The following LAMP3 variants were observed in gnomAD, a reference collection of about 807,000 sequenced individuals.
LAMP3 encodes lysosome associated membrane protein 3.
Under a neutral mutation model 34.8 loss-of-function variants are expected in LAMP3, and 26 were observed. The ratio of observed to expected loss-of-function variants is 0.75; its 90% CI spans 0.55 to 1.04. The LOEUF is 1.04. LAMP3 is among the 50% of genes least tolerant of loss of function. The pLI is 0.00. For synonymous variants in LAMP3, 180 were observed against 201.9 expected (o/e 0.89, Z 0.92); for missense variants, 495 against 524.0 (o/e 0.94, Z 0.54).
At chr3:183,156,531 C>T (rs1041282485) in intron 1 of LAMP3, among the ~76,000 whole-genome samples, 1 of 152,116 alleles carries the variant, frequency 6.6e-6, no homozygotes, top group Admixed American at 6.6e-5. Flanking sequence ...AAGGAGATCA[C>T]GCTATGCTAG....
At chr3:183,135,659 G>A in intron 5 of LAMP3, 58 bp downstream of exon 5, 1 of 1,473,368 alleles carries the variant, frequency 6.8e-7, no homozygotes, top group South Asian at 1.2e-5. Flanking sequence ...AAAACACTTT[G>A]GATCTACCCT....
intron 3 of LAMP3, among the ~76,000 whole-genome samples, chr3:183,148,791 C>G (rs1720524458): frequency 6.6e-6 from 1 of 152,138 alleles, no homozygotes; most frequent in Admixed American, 6.5e-5. Context: ...TTTGGATCCT[C>G]AAAAAACTAA....
intron 3 of LAMP3, among the ~76,000 whole-genome samples, chr3:183,142,703 TC>T (rs1720321530): frequency 6.6e-6 from 1 of 152,172 alleles, no homozygotes; most frequent in Non-Finnish European, 1.5e-5. Flanking sequence ...GAATTTACTT[TC>T]ACATTCCCTG....
intron 1 of LAMP3, chr3:183,161,879 G>A (rs1253485114): frequency 8.3e-5 from 62 of 742,962 alleles, no homozygotes; most frequent in Non-Finnish European, 9.9e-5. Flanking sequence ...TGGCGCAGGG[G>A]AGAACTGCCT....
chr3:183,159,506 G>A lies in LAMP3; in HGVS notation c.49+3101C>T, dbSNP rs751292795. ...GAGGAGCACAGTCAGGGAGTCATTG[G>A]AGCCCCACGGCCATGTCCAGGTTCA... On this transcript the variant is annotated intron_variant, in intron 1 of 5. Transcript: ENST00000265598. 3.9e-5 allele frequency among the ~76,000 whole-genome samples: 6 copies of A among 152,312 alleles called. No individual in the cohort carries two copies. The East Asian group carries it at 1.2e-3, about 29-fold the overall frequency.
chr3:183,146,522 ATTTTT>A (rs1192142107), intron 3 of LAMP3, among the ~76,000 whole-genome samples: 1 of 130,090 alleles, frequency 7.7e-6, no homozygotes, highest in Non-Finnish European at 1.6e-5. Context: ...TGGTGCTCAA[ATTTTT>A]TTTTTTTTTT....
intron 3 of LAMP3, 100 bp from the exon 4 acceptor site, chr3:183,140,695 A>G: frequency 1.3e-6 from 1 of 794,942 alleles, no homozygotes; most frequent in South Asian, 1.5e-5. Flanking sequence ...TTAAATCTGG[A>G]TATAAGGGCT....
Position 183,154,376 on chromosome 3 carries a change from C to A in LAMP3, c.65G>T (p.Gly22Val). ...AAATGCTTTTGCTCTCATTTGACTGCCATCGTGCAAAATTACTGAAAATTA... is the reference window on the plus strand; with the variant it reads ...AAATGCTTTTGCTCTCATTTGACTGACATCGTGCAAAATTACTGAAAATTA... ...FASLAVILHD[G>V]SQMRAKAFPE... Residue 22 changes from glycine to valine, a missense_variant, in exon 2 of 6, where the codon GGC becomes GTC. Physicochemically the swap from Gly to Val is moderately radical, Grantham distance 109. Coordinates refer to ENST00000265598, the MANE Select transcript of LAMP3 (RefSeq NM_014398.4). The A allele has an allele frequency of 6.3e-7, 1 of 1,595,648 alleles. No individual in the cohort carries two copies.
intron 5 of LAMP3, among the ~76,000 whole-genome samples, chr3:183,129,465 T>G (rs773765107): frequency 6.6e-6 from 1 of 152,152 alleles, no homozygotes; most frequent in Non-Finnish European, 1.5e-5. Flanking sequence ...TTCCCTGTAA[T>G]GCTTTAATCA....
chr3:183,125,643 A>C lies in LAMP3; in HGVS notation c.1118-1429T>G, dbSNP rs190755256. Among the ~76,000 whole-genome samples the C allele has an allele frequency of 4.6e-5, 7 of 152,348 alleles. No individual in the cohort carries two copies. The East Asian group carries it at 1.2e-3, about 25-fold the overall frequency. ...GCAATCAGAAGAAATTGTTAAAATT[A>C]GTTAAAAGTATCTTGTATCTTGGGG... On this transcript the variant is annotated intron_variant, in intron 5 of 5. Transcript: ENST00000265598.
At chr3:183,136,691 T>C (rs1320917674) in intron 4 of LAMP3, among the ~76,000 whole-genome samples, 1 of 148,376 alleles carries the variant, frequency 6.7e-6, no homozygotes, top group African/African-American at 2.5e-5. Flanking sequence ...GGAGGGGTTG[T>C]TGCATCCATC....
rs112982054 is a variant in LAMP3, at chr3:183,153,341, G to A, written c.759+341C>T. Among the ~76,000 whole-genome samples, 437 of 152,210 alleles carry A rather than the reference G, an allele frequency of 2.9e-3. 2 individuals carry two copies. The highest frequency in any genetic ancestry group is 9.7e-3 in the African/African-American group (404 of 41,538). ...ATCTGACTTAAATCTCTCATTTCAC[G>A]GGAAAGGATATGAGGCTTTTAAGTC... is the stretch of plus-strand genomic sequence containing the variant. On this transcript the variant is annotated intron_variant, in intron 2 of 5. Coordinates refer to ENST00000265598, the MANE Select transcript of LAMP3 (RefSeq NM_014398.4).
chr3:183,142,254 C>T (rs73180930), intron 3 of LAMP3, among the ~76,000 whole-genome samples: 15,933 of 152,070 alleles, frequency 0.1, 944 homozygotes, highest in East Asian at 0.17. Flanking sequence ...CAAAGAGCGT[C>T]CATCGAAGGG....
At chr3:183,156,911 C>T (rs1202168160) in intron 1 of LAMP3, among the ~76,000 whole-genome samples, 2 of 151,960 alleles carry the variant, frequency 1.3e-5, no homozygotes, top group African/African-American at 2.4e-5. Flanking sequence ...GGTGGGGTGT[C>T]GCTGGGAAGA....
chr3:183,131,359 G>T (rs1719914178), intron 5 of LAMP3, among the ~76,000 whole-genome samples: 1 of 152,168 alleles, frequency 6.6e-6, no homozygotes, highest in Admixed American at 6.5e-5. Flanking sequence ...CTGCCCTACA[G>T]AACTTTCGAG....
At position 183,162,638 on chromosome 3, in the gene LAMP3, G is replaced by A. The variant is rs746441680; in HGVS notation, c.18C>T (p.Ser6=). The change falls in exon 1 of 6, where the codon AGC becomes AGT. Residue 6 remains serine (S), a synonymous_variant. Coordinates refer to ENST00000265598, the MANE Select transcript of LAMP3 (RefSeq NM_014398.4). The stretch of plus-strand genomic sequence containing the variant: ...GGGACGCGAAGAGCGCGGCCGCCGC[G>A]CTGAGCTGCCGGGGCATGGTGGGCG... MPRQL[S]AAAALFASLA... is the part of the protein sequence containing the mutation. The A allele has an allele frequency of 2.7e-5, 42 of 1,543,340 alleles. No individual in the cohort carries two copies. Among genetic ancestry groups the A allele is most frequent in the Non-Finnish European group, 3.1e-5 (36 of 1,145,486 alleles).
chr3:183,128,556 C>T (rs1037293017), intron 5 of LAMP3, among the ~76,000 whole-genome samples: 12 of 152,080 alleles, frequency 7.9e-5, no homozygotes, highest in African/African-American at 2.2e-4. Flanking sequence ...TGAATAACCA[C>T]GTACAAATAT....
chr3:183,137,851 ACT>A (rs1282878480), intron 4 of LAMP3, among the ~76,000 whole-genome samples: 80 of 140,860 alleles, frequency 5.7e-4, no homozygotes, highest in South Asian at 2.7e-3. Context: ...ACAGAGTCTC[ACT>A]CTGTCACCCA....
chr3:183,154,802 GC>G (rs1252892483), intron 1 of LAMP3, among the ~76,000 whole-genome samples: 1 of 152,224 alleles, frequency 6.6e-6, no homozygotes, highest in Non-Finnish European at 1.5e-5. Flanking sequence ...ACCTGATAGA[GC>G]TGGGGCAGCA....
Sources: gnomAD v4.1 joint callset for allele counts (sites outside exome capture counted in the v4.1 genomes callset) on GRCh38, gnomAD v4.1.1 for gene constraint, MANE v1.5 for transcripts, NCBI Gene and HGNC (gene_info 2026-07-23, HGNC 2026-07-21) for gene names.